The following UBE2H variants were observed in gnomAD, a reference collection of about 807,000 sequenced individuals.
UBE2H encodes ubiquitin conjugating enzyme E2 H.
Under a neutral mutation model 29.0 loss-of-function variants are expected in UBE2H, and 3 were observed. The observed-to-expected ratio is 0.10, with a 90% CI of 0.05 to 0.27. UBE2H has a LOEUF of 0.27. Ranked by LOEUF, UBE2H falls within the 10% of genes least tolerant of loss-of-function variation. The probability of loss-of-function intolerance (pLI) is 1.00; values close to 1 mark genes in which losing one functional copy is unlikely to be tolerated. For missense variants in UBE2H, 68 were observed against 228.2 expected (o/e 0.30, Z 4.52); for synonymous variants, 69 against 82.9 (o/e 0.83, Z 0.91).
chr7:129,926,612 G>A (rs1456721589), intron 1 of UBE2H, among the ~76,000 whole-genome samples: 1 of 151,982 alleles, frequency 6.6e-6, no homozygotes, highest in African/African-American at 2.4e-5. Context: ...AAAAAGCAGA[G>A]GCATTTCAAA....
chr7:129,932,505 C>T (rs933826426), intron 1 of UBE2H, among the ~76,000 whole-genome samples: 9 of 151,996 alleles, frequency 5.9e-5, no homozygotes, highest in Non-Finnish European at 1.2e-4. Context: ...TTTTCACTGA[C>T]TTACACAGAT....
chr7:129,928,874 T>C (rs1807328036), intron 1 of UBE2H, among the ~76,000 whole-genome samples: 1 of 152,154 alleles, frequency 6.6e-6, no homozygotes, highest in African/African-American at 2.4e-5. Context: ...GATACACAAA[T>C]ATGAGTTTTA....
At chr7:129,907,531 G>A (rs148171772) in intron 1 of UBE2H, among the ~76,000 whole-genome samples, 1 of 152,144 alleles carries the variant, frequency 6.6e-6, no homozygotes, top group Admixed American at 6.5e-5. Flanking sequence ...AAGCAGATAA[G>A]TAGACAAAAA....
chr7:129,903,541 C>G (rs1806758540), intron 1 of UBE2H, among the ~76,000 whole-genome samples: 1 of 152,064 alleles, frequency 6.6e-6, no homozygotes, highest in East Asian at 1.9e-4. Context: ...GGTGGGAGAA[C>G]CACTTGAGGC....
chr7:129,914,715 C>T (rs1178176980), intron 1 of UBE2H, among the ~76,000 whole-genome samples: 1 of 152,150 alleles, frequency 6.6e-6, no homozygotes, highest in Non-Finnish European at 1.5e-5. Context: ...AAGAACCACA[C>T]TCTCTGCCAG....
At chr7:129,947,515 A>AT (rs1277443841) in intron 1 of UBE2H, among the ~76,000 whole-genome samples, 3 of 152,230 alleles carry the variant, frequency 2.0e-5, no homozygotes, top group Admixed American at 2.0e-4. Context: ...GGATAGAGTA[A>AT]CTACTGATTA....
At chr7:129,893,215 C>G (rs117126344) in intron 1 of UBE2H, among the ~76,000 whole-genome samples, 2,160 of 152,230 alleles carry the variant, frequency 0.014, 75 homozygotes, top group East Asian at 0.074. Flanking sequence ...TTTTTCTTCT[C>G]TAGTGTTATG....
At chr7:129,868,931 CTCTCT>C (rs1171494116) in intron 3 of UBE2H, among the ~76,000 whole-genome samples, 13 of 72,272 alleles carry the variant, frequency 1.8e-4, no homozygotes, top group Non-Finnish European at 3.9e-4. Context: ...GTCTCTCTCT[CTCTCT>C]TTTTTTTTTT....
intron 5 of UBE2H, among the ~76,000 whole-genome samples, chr7:129,854,060 GTT>G (rs56362841): frequency 2.7e-3 from 268 of 100,276 alleles, no homozygotes; most frequent in African/African-American, 0.01. Flanking sequence ...TTTAGTGTTA[GTT>G]TTTTTTTTTT....
At chr7:129,844,436 T>C (rs1235914870) in intron 5 of UBE2H, among the ~76,000 whole-genome samples, 4 of 152,270 alleles carry the variant, frequency 2.6e-5, no homozygotes, top group African/African-American at 9.6e-5. Context: ...TACTCATCTG[T>C]AGAAAAATAA....
chr7:129,872,752 A>C (rs918200240), intron 3 of UBE2H, among the ~76,000 whole-genome samples: 3 of 143,432 alleles, frequency 2.1e-5, no homozygotes, highest in Admixed American at 7.2e-5. Flanking sequence ...CTGAGGCAGG[A>C]GAATTGCTTG....
At chr7:129,904,612 ACCTTATTTGCCTTTATT>A (rs1250775968) in intron 1 of UBE2H, among the ~76,000 whole-genome samples, 5 of 152,156 alleles carry the variant, frequency 3.3e-5, no homozygotes, top group African/African-American at 1.2e-4. Context: ...GAGGGCAAGA[ACCTTATTTGCCTTTATT>A]CCTGACATGT....
intron 1 of UBE2H, among the ~76,000 whole-genome samples, chr7:129,926,478 C>T (rs565382478): frequency 1.0e-4 from 15 of 149,706 alleles, no homozygotes; most frequent in South Asian, 2.1e-4. Flanking sequence ...CATTGCACTC[C>T]GCCTGGGCAA....
chr7:129,902,215 A>T (rs776466444), intron 1 of UBE2H, among the ~76,000 whole-genome samples: 78 of 152,152 alleles, frequency 5.1e-4, no homozygotes, highest in Non-Finnish European at 9.1e-4. Flanking sequence ...AAACCATTAC[A>T]TGGCCGGGCA....
chr7:129,925,755 C>A (rs953814502), intron 1 of UBE2H, among the ~76,000 whole-genome samples: 1 of 152,108 alleles, frequency 6.6e-6, no homozygotes, highest in African/African-American at 2.4e-5. Context: ...CCCCTTTCTT[C>A]CTCCCACTGC....
chr7:129,944,471 C>T (rs1807714084), intron 1 of UBE2H, among the ~76,000 whole-genome samples: 1 of 151,584 alleles, frequency 6.6e-6, no homozygotes, highest in South Asian at 2.1e-4. Context: ...ACGTGTTAAA[C>T]ATGGCTGGGC....
intron 5 of UBE2H, among the ~76,000 whole-genome samples, chr7:129,844,740 T>C (rs1805483326): frequency 6.6e-6 from 1 of 152,208 alleles, no homozygotes; most frequent in Admixed American, 6.5e-5. Context: ...AAAATGTGGT[T>C]CATTAGCACT....
At position 129,833,671 on chromosome 7, in the gene UBE2H, T is replaced by A. The variant is rs1805271780; in HGVS notation, c.*1266A>T. On this transcript the variant is annotated 3_prime_UTR_variant, in exon 7 of 7. Coordinates refer to ENST00000355621, the MANE Select transcript of UBE2H (RefSeq NM_003344.4). ...GAATCCCTTCTTCCTATTCGGTCACTCTCTGAAAAAAGCTGGTTTGTTTTT... is the reference window on the plus strand; with the variant it reads ...GAATCCCTTCTTCCTATTCGGTCACACTCTGAAAAAAGCTGGTTTGTTTTT... 1 of 152,176 alleles carries A rather than the reference T, an allele frequency of 6.6e-6. No homozygotes were observed. Among genetic ancestry groups the A allele is most frequent in the African/African-American group, 2.4e-5 (1 of 41,444 alleles). The allele number at this position is 152,176 out of a possible 1,614,324, so 9.4% of individuals were successfully genotyped here.
At chr7:129,931,376 A>G (rs569435353) in intron 1 of UBE2H, among the ~76,000 whole-genome samples, 1 of 152,108 alleles carries the variant, frequency 6.6e-6, no homozygotes, top group Admixed American at 6.6e-5. Context: ...CAACAGAGTA[A>G]GACTCTGTCT....
Sources: gnomAD v4.1 joint callset for allele counts (sites outside exome capture counted in the v4.1 genomes callset) on GRCh38, gnomAD v4.1.1 for gene constraint, MANE v1.5 for transcripts, NCBI Gene and HGNC (gene_info 2026-07-23, HGNC 2026-07-21) for gene names.